The following MXD1 variants were observed in gnomAD, a reference collection of about 807,000 sequenced individuals.
MXD1 encodes the protein MAX-binding protein.
MXD1 carries 9 observed loss-of-function variants against 25.7 expected under a neutral mutation model. The observed-to-expected ratio is 0.35, with a 90% CI of 0.21 to 0.61. MXD1 has a LOEUF of 0.61. MXD1 is among the 20% of genes least tolerant of loss of function. The pLI is 0.75. For missense variants in MXD1, 227 were observed against 292.4 expected, an observed-to-expected ratio of 0.78 and a Z score of 1.63; for synonymous variants, 99 against 113.9, an observed-to-expected ratio of 0.87 and a Z score of 0.83.
intron 2 of MXD1, among the ~76,000 whole-genome samples, chr2:69,919,488 G>A (rs1677020197): frequency 6.6e-6 from 1 of 152,006 alleles, no homozygotes; most frequent in South Asian, 2.1e-4. Flanking sequence ...GGGATTACAG[G>A]CGTATGTGAC....
Position 69,915,186 on chromosome 2 carries a change from C to A in MXD1, c.-145C>A. On this transcript the variant is annotated 5_prime_UTR_variant, in exon 1 of 6. Coordinates refer to ENST00000264444, the MANE Select transcript of MXD1 (RefSeq NM_002357.4). The surrounding 1 kb of genome is among the most constrained non-coding windows in gnomAD (Gnocchi z 5.8). ...CTCCCTCTCTTGTCGAGCGTGGTTG[C>A]CAGAGAGGCTCCCTCAGCCCTGCTC... is the stretch of plus-strand genomic sequence containing the variant. 1 of 635,458 alleles carries A rather than the reference C, an allele frequency of 1.6e-6. No homozygotes were observed. The highest frequency in any genetic ancestry group is 2.3e-6 in the Non-Finnish European group (1 of 433,276). 39.4% of individuals were successfully genotyped at this position (635,458 alleles called of 1,614,324 possible). A position where few individuals can be genotyped will look rare whatever the true frequency, so the allele number is the denominator to read the frequency against.
At chr2:69,927,602 G>A (rs1442425555) in intron 3 of MXD1, among the ~76,000 whole-genome samples, 1 of 152,122 alleles carries the variant, frequency 6.6e-6, no homozygotes. Flanking sequence ...CTTACTTTTT[G>A]TCATAGGCAT....
chr2:69,931,955 G>A (rs1677296890), intron 3 of MXD1, among the ~76,000 whole-genome samples: 1 of 152,164 alleles, frequency 6.6e-6, no homozygotes, highest in Non-Finnish European at 1.5e-5. Context: ...AGGGAAGACT[G>A]AAGAAGATGT....
intron 3 of MXD1, among the ~76,000 whole-genome samples, chr2:69,926,312 G>A (rs1677169337): frequency 1.3e-5 from 2 of 150,240 alleles, no homozygotes; most frequent in South Asian, 2.1e-4. Context: ...TCTTCTTCCT[G>A]TGCCAATATA....
chr2:69,924,803 G>C (rs906164258), intron 3 of MXD1, among the ~76,000 whole-genome samples: 1 of 152,086 alleles, frequency 6.6e-6, no homozygotes, highest in African/African-American at 2.4e-5. Context: ...ACTTCTAACA[G>C]TGGGATTTTC....
intron 3 of MXD1, among the ~76,000 whole-genome samples, chr2:69,922,938 C>G (rs1163077070): frequency 2.0e-5 from 3 of 151,162 alleles, no homozygotes; most frequent in Non-Finnish European, 4.4e-5. Flanking sequence ...ATCCATTACC[C>G]AGCTTCAGTA....
At chr2:69,931,331 G>T (rs1218479776) in intron 3 of MXD1, among the ~76,000 whole-genome samples, 1 of 151,020 alleles carries the variant, frequency 6.6e-6, no homozygotes, top group Non-Finnish European at 1.5e-5. Context: ...GCCCACCCCC[G>T]CTACCTTTCC....
At position 69,915,878 on chromosome 2, in the gene MXD1, C is replaced by T. The variant is rs1676952852; in HGVS notation, c.74-243C>T. Among the ~76,000 whole-genome samples, 1 of 152,260 alleles carries T rather than the reference C, an allele frequency of 6.6e-6. No homozygotes were observed. ...CAGTGGGAAACCCAGGCTGCGTGAGCCTAGCCACTACTGTGTCTTTCTCAA... is the reference window on the plus strand; with the variant it reads ...CAGTGGGAAACCCAGGCTGCGTGAGTCTAGCCACTACTGTGTCTTTCTCAA... On this transcript the variant is annotated intron_variant, in intron 1 of 5. Coordinates refer to ENST00000264444, the MANE Select transcript of MXD1 (RefSeq NM_002357.4). The surrounding 1 kb of genome is among the most constrained non-coding windows in gnomAD (Gnocchi z 5.8).
At chr2:69,919,761 G>A (rs1050972842) in intron 2 of MXD1, among the ~76,000 whole-genome samples, 1 of 152,210 alleles carries the variant, frequency 6.6e-6, no homozygotes, top group Non-Finnish European at 1.5e-5. Flanking sequence ...ATAGTATCCT[G>A]TTGGCCATTG....
At chr2:69,925,795 A>G (rs1209443745) in intron 3 of MXD1, among the ~76,000 whole-genome samples, 1 of 152,186 alleles carries the variant, frequency 6.6e-6, no homozygotes, top group Non-Finnish European at 1.5e-5. Context: ...TTATTTCCTT[A>G]GGATAAATGT....
At chr2:69,922,435 C>T (rs1401586359) in intron 3 of MXD1, among the ~76,000 whole-genome samples, 1 of 152,144 alleles carries the variant, frequency 6.6e-6, no homozygotes, top group Non-Finnish European at 1.5e-5. Flanking sequence ...TCTGGTTGCA[C>T]ATTAGAATCA....
chr2:69,918,993 C>T (rs6750488), intron 2 of MXD1, among the ~76,000 whole-genome samples: 81,103 of 151,466 alleles, frequency 0.54, 23,720 homozygotes, highest in African/African-American at 0.79. Flanking sequence ...CCATTAAGTA[C>T]AAGTCCCCCT....
intron 2 of MXD1, among the ~76,000 whole-genome samples, chr2:69,917,456 G>A (rs1320704508): frequency 6.6e-6 from 1 of 152,132 alleles, no homozygotes; most frequent in African/African-American, 2.4e-5. Flanking sequence ...ATATGCAATG[G>A]TGTAAAACCA....
rs1362092938 is a variant in MXD1 at position 69,938,363 on chromosome 2, A to G, written c.*79A>G. 1 of 1,432,040 alleles carries G rather than the reference A, an allele frequency of 7.0e-7. No homozygotes were observed. The highest frequency in any genetic ancestry group is 1.4e-5 in the African/African-American group (1 of 70,478). The allele number at this position is 1,432,040 out of a possible 1,614,324, so 88.7% of individuals were successfully genotyped here. A position where few individuals can be genotyped will look rare whatever the true frequency, so the allele number is the denominator to read the frequency against. On this transcript the variant is annotated 3_prime_UTR_variant, in exon 6 of 6. Coordinates refer to ENST00000264444, the MANE Select transcript of MXD1 (RefSeq NM_002357.4). ...AGGTAACGTATTGGACCTGCCCACA[A>G]CTCCCTTGCACGTAAACTTCAGTGT...
rs1019718503 is a variant in MXD1, at chr2:69,939,040, C to T, written c.*756C>T. ...TCTGCTATCTCGAGGCACATTCTCCCCTCCAACTTTGTTAATGCTACTTGT... is the reference window on the plus strand; with the variant it reads ...TCTGCTATCTCGAGGCACATTCTCCTCTCCAACTTTGTTAATGCTACTTGT... On this transcript the variant is annotated 3_prime_UTR_variant, in exon 6 of 6. Coordinates refer to ENST00000264444, the MANE Select transcript of MXD1 (RefSeq NM_002357.4). 2.6e-5 allele frequency: 4 copies of T among 152,508 alleles called. No homozygotes were observed. The highest frequency in any genetic ancestry group is 9.7e-5 in the African/African-American group (4 of 41,406). 9.4% of individuals were successfully genotyped at this position (152,508 alleles called of 1,614,324 possible).
At chr2:69,930,016 G>A (rs1385907711) in intron 3 of MXD1, among the ~76,000 whole-genome samples, 2 of 152,214 alleles carry the variant, frequency 1.3e-5, no homozygotes, top group African/African-American at 4.8e-5. Context: ...TAGATGAAGT[G>A]TAGTCCCAGT....
chr2:69,918,306 C>G (rs536600329), intron 2 of MXD1, among the ~76,000 whole-genome samples: 59 of 152,180 alleles, frequency 3.9e-4, no homozygotes, highest in Non-Finnish European at 7.2e-4. Context: ...TTTCCTTGGA[C>G]AATAAAAGAT....
In MXD1 at chr2:69,915,955, C is replaced by A. The variant is rs1573397622; in HGVS notation, c.74-166C>A. 6.6e-6 allele frequency among the ~76,000 whole-genome samples: 1 copy of A among 152,370 alleles called. No homozygotes were observed. The highest frequency in any genetic ancestry group is 1.9e-4 in the East Asian group (1 of 5,190). On this transcript the variant is annotated intron_variant, in intron 1 of 5. Coordinates refer to ENST00000264444, the MANE Select transcript of MXD1 (RefSeq NM_002357.4). This position sits in a 1 kb window ranked among gnomAD's most constrained non-coding sequence, Gnocchi z 5.8. ...ACCTGCTCCGAATTGACGATATTCA[C>A]ACAATTTTTTTTTAAATCATTGTTC...
rs761622272 is a variant in MXD1, at chr2:69,942,437, G to A, written c.*4153G>A. The A allele has an allele frequency of 2.6e-5, 4 of 152,212 alleles. No individual in the cohort carries two copies. Among genetic ancestry groups the A allele is most frequent in the Non-Finnish European group, 5.9e-5 (4 of 68,028 alleles). 9.4% of individuals were successfully genotyped at this position (152,212 alleles called of 1,614,324 possible). On this transcript the variant is annotated 3_prime_UTR_variant, in exon 6 of 6. Transcript: ENST00000264444. ...AAGAAGAAATTGACAGGCACTGCTA[G>A]ATTCAGCTATTGAATGGCTGAAGAG... is the stretch of plus-strand genomic sequence containing the variant.
Sources: allele counts gnomAD v4.1 joint callset (sites outside exome capture counted in the v4.1 genomes callset), GRCh38; gene constraint gnomAD v4.1.1; non-coding constraint Gnocchi (gnomAD v3.1); transcripts MANE v1.5; gene names NCBI Gene and HGNC (gene_info 2026-07-23, HGNC 2026-07-21).